GET1: variants seen among roughly 807,000 people sequenced by gnomAD.
The protein encoded by GET1 is guided entry of tail-anchored proteins factor 1, also known as congenital heart disease 5 protein.
A neutral mutation model predicts 22.6 loss-of-function variants in GET1; 20 were observed. The observed-to-expected ratio is 0.89, with a 90% confidence interval of 0.62 to 1.29. GET1 has a LOEUF of 1.29. Among genes scored for constraint, GET1 ranks in the 50% most tolerant of loss-of-function variants. GET1 has a pLI of 0.00. For synonymous variants in GET1, 92 were observed against 83.8 expected, an observed-to-expected ratio of 1.10 and a Z score of -0.53; for missense variants, 209 against 219.9, an observed-to-expected ratio of 0.95 and a Z score of 0.31.
chr21:39,392,890 ATGC>A, intron 3 of GET1: 23 of 386,966 alleles, frequency 5.9e-5, no homozygotes, highest in South Asian at 2.8e-4. Flanking sequence ...AAACAGTGAA[ATGC>A]CAGTTCACAT....
intron 1 of GET1, among the ~76,000 whole-genome samples, chr21:39,383,334 TGCAATGGC>T (rs2037684311): frequency 6.6e-6 from 1 of 151,732 alleles, no homozygotes; most frequent in African/African-American, 2.4e-5. Context: ...CAGGCTGGAG[TGCAATGGC>T]GCAATCTCAG....
chr21:39,411,792 C>T (rs371028172), intron 1 of GET1: 24 of 1,581,586 alleles, frequency 1.5e-5, no homozygotes, highest in African/African-American at 2.7e-5. Flanking sequence ...TTCAAGCTCA[C>T]GATCCTTTTC....
At chr21:39,404,904 C>T (rs1243566624) in intron 4 of GET1, among the ~76,000 whole-genome samples, 21 of 145,172 alleles carry the variant, frequency 1.4e-4, no homozygotes, top group African/African-American at 5.1e-4. Context: ...TATTTTGGTT[C>T]ACTGCAGCCT....
chr21:39,407,472 AC>A (rs2039277193), downstream of GET1, among the ~76,000 whole-genome samples: 7 of 152,230 alleles, frequency 4.6e-5, no homozygotes, highest in Admixed American at 3.3e-4. Context: ...GAACGAACCT[AC>A]AAAAAATAGA....
chr21:39,414,742 C>CTCTGTGTGTGTGTGTGTGTGTG (rs1341489035), intron 1 of GET1, among the ~76,000 whole-genome samples: 2 of 99,178 alleles, frequency 2.0e-5, no homozygotes, highest in African/African-American at 4.4e-5. Flanking sequence ...CTCTCTCTCT[C>CTCTGTGTGTGTGTGTGTGTGTG]TGTGTGTGTG....
At chr21:39,422,870 G>A in intron 1 of GET1, 1 of 1,010,114 alleles carries the variant, frequency 9.9e-7, no homozygotes, top group Non-Finnish European at 1.5e-6. Flanking sequence ...GCCAAGTGAA[G>A]CAGTTAGTAA....
intron 1 of GET1, chr21:39,420,897 C>A: frequency 7.2e-7 from 1 of 1,397,234 alleles, no homozygotes; most frequent in Non-Finnish European, 1.0e-6. Context: ...ATGTTAAAAA[C>A]TTCAATTATC....
At chr21:39,387,737 A>G (rs187451038) in intron 1 of GET1, 613 of 973,214 alleles carry the variant, frequency 6.3e-4, no homozygotes, top group Middle Eastern at 1.1e-3. Flanking sequence ...GGTAGGCGGC[A>G]TCACTGGGCG....
intron 1 of GET1, among the ~76,000 whole-genome samples, chr21:39,426,902 T>C (rs2074808214): frequency 6.6e-6 from 1 of 152,230 alleles, no homozygotes; most frequent in South Asian, 2.1e-4. Context: ...TTTGAGACTC[T>C]GATGAAAGGT....
downstream of GET1, chr21:39,410,466 G>A: frequency 3.3e-6 from 2 of 611,660 alleles, no homozygotes; most frequent in South Asian, 4.6e-5. Flanking sequence ...TAATAATAAA[G>A]TATACTAAGT....
downstream of GET1, among the ~76,000 whole-genome samples, chr21:39,398,151 C>G (rs992881179): frequency 1.3e-5 from 2 of 152,146 alleles, no homozygotes; most frequent in African/African-American, 4.8e-5. Context: ...GAACTGGACA[C>G]CAGCTTCCAG....
At chr21:39,384,414 A>T (rs2037755634) in intron 1 of GET1, among the ~76,000 whole-genome samples, 1 of 150,848 alleles carries the variant, frequency 6.6e-6, no homozygotes, top group South Asian at 2.1e-4. Flanking sequence ...GCACCACCAC[A>T]CCTAGCTAAT....
intron 1 of GET1, among the ~76,000 whole-genome samples, chr21:39,390,380 A>G (rs1390095482): frequency 6.6e-6 from 1 of 152,180 alleles, no homozygotes; most frequent in Non-Finnish European, 1.5e-5. Flanking sequence ...AGAGAAAGGG[A>G]CATTTACCTA....
rs367655852 is a variant in GET1, at chr21:39,380,372, A to G, written c.-13A>G. ...CTGCCGTAGCGGACCCAGCACAGCC[A>G]GGAGCGTCCGGGATGAGCTCAGCCG... On this transcript the variant is annotated 5_prime_UTR_variant, in exon 1 of 5. Coordinates refer to ENST00000649170, the MANE Select transcript of GET1 (RefSeq NM_004627.6). 9.4e-6 allele frequency: 15 copies of G among 1,592,292 alleles called. No homozygotes were observed. Among genetic ancestry groups the G allele is most frequent in the Middle Eastern group, 1.7e-4 (1 of 5,958 alleles).
chr21:39,390,991 C>T, intron 2 of GET1, 128 bp downstream of exon 2: 1 of 1,028,654 alleles, frequency 9.7e-7, no homozygotes, highest in Non-Finnish European at 1.4e-6. Context: ...CTTAAGTTAT[C>T]TGGAGGAAAC....
chr21:39,410,458 A>G (rs1601706499), downstream of GET1: 2 of 648,946 alleles, frequency 3.1e-6, no homozygotes, highest in East Asian at 5.7e-5. Context: ...ATGCAATGTA[A>G]TAATAAAGTA....
exon 5 of GET1, chr21:39,406,578 T>C: frequency 6.3e-7 from 1 of 1,594,848 alleles, no homozygotes; most frequent in Non-Finnish European, 8.5e-7. Context: ...CCAGCAGTAT[T>C]TGGACTTCCA....
chr21:39,414,738 C>CTA (rs763309098), intron 1 of GET1, among the ~76,000 whole-genome samples: 1 of 107,328 alleles, frequency 9.3e-6, no homozygotes, highest in Non-Finnish European at 1.9e-5. Context: ...CTCTCTCTCT[C>CTA]TCTCTGTGTG....
At chr21:39,393,435 C>G (rs577036982) in intron 4 of GET1, among the ~76,000 whole-genome samples, 155 bp downstream of exon 4, 5 of 152,278 alleles carry the variant, frequency 3.3e-5, no homozygotes, top group African/African-American at 1.2e-4. Flanking sequence ...CATGAAGAAA[C>G]TGAGGTCTGA....
Sources: gnomAD v4.1 joint callset for allele counts (sites outside exome capture counted in the v4.1 genomes callset) on GRCh38, gnomAD v4.1.1 for gene constraint, MANE v1.5 for transcripts, NCBI Gene and HGNC (gene_info 2026-07-23, HGNC 2026-07-21) for gene names.